Variants in PYGM observed in about 807,000 individuals in gnomAD.
The protein encoded by PYGM is glycogen phosphorylase, muscle form.
In PYGM, 81 loss-of-function variants were observed where a neutral mutation model predicts 99.3. The ratio of observed to expected loss-of-function variants is 0.82; its 90% CI spans 0.68 to 0.98. The LOEUF (loss-of-function observed/expected upper bound fraction) is 0.98. PYGM is among the 50% of genes least tolerant of loss of function. The pLI is 0.00. For missense variants in PYGM, 1,030 were observed against 1,158.1 expected, an observed-to-expected ratio of 0.89 and a Z score of 1.61; for synonymous variants, 436 against 451.5, an observed-to-expected ratio of 0.97 and a Z score of 0.44.
Position 64,753,929 on chromosome 11 carries a change from G to A in PYGM, c.1189C>T (p.Leu397=), listed in dbSNP as rs1592411631. The A allele has an allele frequency of 1.3e-6, 2 of 1,596,570 alleles. No individual in the cohort carries two copies. The highest frequency in any genetic ancestry group is 1.1e-5 in the South Asian group (1 of 88,386). Residue 397 remains leucine, a synonymous_variant, in exon 10 of 20, where the codon CTG becomes TTG. Transcript: ENST00000164139. ...RWPVHLLETL[L]PRHLQIIYEI... ...TAGATGATCTGGAGGTGCCGCGGCAGCAGCGTCTCCAAGAGGTGCACCGGC... is the reference window on the plus strand; with the variant it reads ...TAGATGATCTGGAGGTGCCGCGGCAACAGCGTCTCCAAGAGGTGCACCGGC...
Position 64,753,946 on chromosome 11 carries a change from T to C in PYGM, c.1172A>G (p.His391Arg), listed in dbSNP as rs1592411679. Residue 391 changes from histidine to arginine, a missense_variant, in exon 10 of 20, where the codon CAC becomes CGC. Coordinates refer to ENST00000164139, the MANE Select transcript of PYGM (RefSeq NM_005609.4). The stretch of plus-strand genomic sequence containing the variant: ...CCGCGGCAGCAGCGTCTCCAAGAGG[T>C]GCACCGGCCAGCGCTCCAGGGCCTC... ...LPEALERWPV[H>R]LLETLLPRHL... 6.2e-7 allele frequency: 1 copy of C among 1,600,982 alleles called. No homozygotes were observed.
intron 17 of PYGM, among the ~76,000 whole-genome samples, chr11:64,749,999 A>G (rs954529554): frequency 6.6e-6 from 1 of 152,076 alleles, no homozygotes; most frequent in Non-Finnish European, 1.5e-5. Flanking sequence ...TCACCGTGTT[A>G]GCCAGGATGG....
rs2058380945 is a variant in PYGM at position 64,754,464 on chromosome 11, C to T, written c.1000-119G>A. On this transcript the variant is annotated intron_variant, in intron 8 of 19. Transcript: ENST00000164139. The surrounding 1 kb of genome is among the most constrained non-coding windows in gnomAD (Gnocchi z 5.5). ...CACGGTTCTGTGACTGGGCTGTGGG[C>T]AGAGGCAGGCCGGTGCTCATGGGGG... The T allele has an allele frequency of 1.0e-6, 1 of 987,702 alleles. No homozygotes were observed. The highest frequency in any genetic ancestry group is 2.3e-5 in the Admixed American group (1 of 43,962). 61.2% of individuals were successfully genotyped at this position (987,702 alleles called of 1,614,324 possible).
chr11:64,753,859 C>T lies in PYGM; in HGVS notation c.1239+20G>A. Reference sequence around the variant, plus strand: ...TGTCCCCCCTCACCCCCACACCATCCCCCAAGCCTCCGGACTCACGTTGAG... The same window carrying T: ...TGTCCCCCCTCACCCCCACACCATCTCCCAAGCCTCCGGACTCACGTTGAG... On this transcript the variant is annotated intron_variant, in intron 10 of 19. Coordinates refer to ENST00000164139, the MANE Select transcript of PYGM (RefSeq NM_005609.4). 6.4e-7 allele frequency: 1 copy of T among 1,559,208 alleles called. No homozygotes were observed. Among genetic ancestry groups the T allele is most frequent in the Admixed American group, 1.9e-5 (1 of 52,280 alleles).
At position 64,755,436 on chromosome 11, in the gene PYGM, G is replaced by A. The variant is rs753889552; in HGVS notation, c.772+11C>T. The A allele has an allele frequency of 1.2e-6, 2 of 1,613,536 alleles. No individual in the cohort carries two copies. Among genetic ancestry groups the A allele is most frequent in the Non-Finnish European group, 1.7e-6 (2 of 1,179,422 alleles). On this transcript the variant is annotated intron_variant, in intron 6 of 19. Coordinates refer to ENST00000164139, the MANE Select transcript of PYGM (RefSeq NM_005609.4). This position sits in a 1 kb window ranked among gnomAD's most constrained non-coding sequence, Gnocchi z 4.1. ...AAGCTGGGGTTGCTGGCTACCAGTG[G>A]ATGAACTCACAGTCCTTGAGGTTGA...
Position 64,757,829 on chromosome 11 carries a change from A to G in PYGM, c.610T>C (p.Tyr204His). 1 of 1,614,178 alleles carries G rather than the reference A, an allele frequency of 6.2e-7. No individual in the cohort carries two copies. The change falls in exon 5 of 20, where the codon TAC (tyrosine) becomes CAC (histidine). Residue 204 changes from tyrosine (Y) to histidine (H), a missense_variant. Coordinates refer to ENST00000164139, the MANE Select transcript of PYGM (RefSeq NM_005609.4). ...TGGCTGGTGTGCTCCACATGGCCGT[A>G]GAAGTGCACAGGTAGCGTGAACTCG... ...RPEFTLPVHF[Y>H]GHVEHTSQGA...
At position 64,755,230 on chromosome 11, in the gene PYGM, C is replaced by T. The variant is rs1184451799; in HGVS notation, c.855+43G>A. On this transcript the variant is annotated intron_variant, in intron 7 of 19. Coordinates refer to ENST00000164139, the MANE Select transcript of PYGM (RefSeq NM_005609.4). This position sits in a 1 kb window ranked among gnomAD's most constrained non-coding sequence, Gnocchi z 4.1. Reference sequence around the variant, plus strand: ...CCCAGCTCTCCCTGACCCCTGCTGCCAAGGACTCAGGCTTCCAGCCCCCAG... The same window carrying T: ...CCCAGCTCTCCCTGACCCCTGCTGCTAAGGACTCAGGCTTCCAGCCCCCAG... 1 of 1,587,978 alleles carries T rather than the reference C, an allele frequency of 6.3e-7. No homozygotes were observed. Among genetic ancestry groups the T allele is most frequent in the South Asian group, 1.1e-5 (1 of 90,442 alleles).
In PYGM at chr11:64,750,455, T is replaced by G; in HGVS notation, c.2098A>C (p.Met700Leu). 6.2e-7 allele frequency: 1 copy of G among 1,614,218 alleles called. No individual in the cohort carries two copies. Among genetic ancestry groups the G allele is most frequent in the Non-Finnish European group, 8.5e-7 (1 of 1,180,036 alleles). The change falls in exon 17 of 20, where the codon ATG becomes CTG. Residue 700 changes from methionine to leucine, a missense_variant. By Grantham distance (15) the Met-to-Leu change is conservative. Coordinates refer to ENST00000164139, the MANE Select transcript of PYGM (RefSeq NM_005609.4). ...IGTMDGANVE[M>L]AEEAGEENFF... ...TTTTCCTCTCCCGCCTCTTCTGCCA[T>G]CTCCACATTGGCCCCGTCCATGGTG... is the stretch of plus-strand genomic sequence containing the variant.
In PYGM at chr11:64,750,379, C is replaced by A. The variant is rs1474046583; in HGVS notation, c.2174G>T (p.Arg725Ile). 4.3e-6 allele frequency: 7 copies of A among 1,614,008 alleles called. No homozygotes were observed. The highest frequency in any genetic ancestry group is 1.1e-5 in the South Asian group (1 of 91,090). The stretch of plus-strand genomic sequence containing the variant: ...CCGTGAACCCTGACCCCCATACCCT[C>A]TTTGGTCAAGCTTATCCACATCCTC... Reference protein sequence around the residue: ...RVEDVDKLDQRGYNAQEYYDR... With the variant: ...RVEDVDKLDQIGYNAQEYYDR... Residue 725 changes from arginine to isoleucine, a missense_variant, in exon 17 of 20, where the codon AGA (arginine) becomes ATA (isoleucine). Arg to Ile is a moderately conservative substitution (Grantham distance 97). Transcript: ENST00000164139.
chr11:64,747,686 A>G (rs2058324440), intron 17 of PYGM: 1 of 376,798 alleles, frequency 2.7e-6, no homozygotes, highest in Admixed American at 3.7e-5. Context: ...TTTCTCCTCC[A>G]GTAGCCCAAG....
intron 11 of PYGM, 83 bp from the exon 12 acceptor site, chr11:64,753,270 T>G: frequency 1.5e-6 from 2 of 1,359,406 alleles, no homozygotes; most frequent in Admixed American, 3.4e-5. Context: ...CCTGGTGTCT[T>G]GCTGAAAGGG....
chr11:64,753,298 C>A, intron 11 of PYGM, 111 bp from the exon 12 acceptor site: 1 of 1,257,938 alleles, frequency 7.9e-7, no homozygotes, highest in African/African-American at 1.5e-5. Context: ...GCAGGGAATG[C>A]AGACCTGGGG....
intron 17 of PYGM, 65 bp from the exon 18 acceptor site, chr11:64,747,423 G>C (rs1270981203): frequency 2.5e-6 from 4 of 1,609,268 alleles, no homozygotes; most frequent in Non-Finnish European, 3.4e-6. Flanking sequence ...CCAGAGAAAA[G>C]CTGAGAAGTC....
chr11:64,753,505 A>G lies in PYGM; in HGVS notation c.1403+14T>C, dbSNP rs1267282781. ...GGGCCTAGAGAGGGGCGGGATCTGG[A>G]AAGCGGGGCTCACATGGTCTTCTTG... On this transcript the variant is annotated intron_variant, in intron 11 of 19. Coordinates refer to ENST00000164139, the MANE Select transcript of PYGM (RefSeq NM_005609.4). The G allele has an allele frequency of 3.2e-6, 5 of 1,576,722 alleles. No homozygotes were observed.
chr11:64,756,434 C>T (rs1458372545), intron 5 of PYGM, among the ~76,000 whole-genome samples: 1 of 152,208 alleles, frequency 6.6e-6, no homozygotes, highest in Non-Finnish European at 1.5e-5. Flanking sequence ...GGAAGATTGC[C>T]TGAACTGGGA....
At chr11:64,760,025 C>A (rs2058424534), upstream of PYGM, 2 of 1,404,440 alleles carry the variant, frequency 1.4e-6, no homozygotes, top group Admixed American at 4.4e-5. Flanking sequence ...GGCAGCACGC[C>A]CCGCCTCCCC....
chr11:64,752,615 G>A, intron 12 of PYGM, 111 bp from the exon 13 acceptor site: 3 of 1,153,044 alleles, frequency 2.6e-6, no homozygotes, highest in Non-Finnish European at 3.8e-6. Context: ...AGGCTGCTCT[G>A]GGGGCCCTCC....
At chr11:64,749,345 TCAAAA>T (rs1365689535) in intron 17 of PYGM, among the ~76,000 whole-genome samples, 39 of 139,194 alleles carry the variant, frequency 2.8e-4, no homozygotes, top group African/African-American at 1.0e-3. Context: ...AGACTCCATC[TCAAAA>T]CAAAACAAAA....
At chr11:64,757,994 T>C in intron 4 of PYGM, 84 bp from the exon 5 acceptor site, 1 of 1,575,788 alleles carries the variant, frequency 6.3e-7, no homozygotes. Context: ...GTGGGGGCCG[T>C]GGGCCGGTGT....
Sources: allele counts gnomAD v4.1 joint callset (sites outside exome capture counted in the v4.1 genomes callset), GRCh38; gene constraint gnomAD v4.1.1; non-coding constraint Gnocchi (gnomAD v3.1); transcripts MANE v1.5; gene names NCBI Gene and HGNC (gene_info 2026-07-23, HGNC 2026-07-21).